SLC17A8: variants seen among roughly 807,000 people sequenced by gnomAD.
SLC17A8 encodes solute carrier family 17 member 8, also known as vesicular glutamate transporter 3.
In SLC17A8, 31 loss-of-function variants were observed where a neutral mutation model predicts 58.0. The observed-to-expected ratio is 0.53, with a 90% CI of 0.40 to 0.72. SLC17A8 has a LOEUF of 0.72. SLC17A8 is among the 30% of genes least tolerant of loss of function. The pLI is 0.00. For missense variants in SLC17A8, 655 were observed against 727.8 expected, an observed-to-expected ratio of 0.90 and a Z score of 1.15; for synonymous variants, 228 against 249.0, an observed-to-expected ratio of 0.92 and a Z score of 0.79.
At chr12:100,396,260 G>T (rs1238937018) in intron 4 of SLC17A8, 70 bp from the exon 5 acceptor site, 1 of 1,192,698 alleles carries the variant, frequency 8.4e-7, no homozygotes, top group Non-Finnish European at 1.3e-6. Flanking sequence ...TGAAGAAGCA[G>T]CATCCATATT....
At chr12:100,403,938 G>A (rs1234241333) in intron 8 of SLC17A8, 100 bp from the exon 9 acceptor site, 2 of 1,360,458 alleles carry the variant, frequency 1.5e-6, no homozygotes, top group Non-Finnish European at 2.1e-6. Context: ...ATTTGGTGGT[G>A]GTAGGTAGGG....
intron 2 of SLC17A8, among the ~76,000 whole-genome samples, chr12:100,386,702 T>TTA (rs1241148801): frequency 6.6e-6 from 1 of 151,644 alleles, no homozygotes; most frequent in Non-Finnish European, 1.5e-5. Flanking sequence ...CTTTTTTTTT[T>TTA]TTTTGAGATG....
chr12:100,412,724 C>T (rs745779974), intron 9 of SLC17A8, 46 bp from the exon 10 acceptor site: 1 of 1,238,284 alleles, frequency 8.1e-7, no homozygotes, highest in South Asian at 1.2e-5. Context: ...CTTGGGTTGA[C>T]CGATATGAAA....
chr12:100,405,610 C>T (rs943448456), intron 9 of SLC17A8, among the ~76,000 whole-genome samples: 6 of 152,028 alleles, frequency 3.9e-5, no homozygotes, highest in African/African-American at 1.4e-4. Flanking sequence ...GAAGAGATTC[C>T]GCCATAGCAC....
chr12:100,389,612 G>C (rs577659818), intron 2 of SLC17A8, among the ~76,000 whole-genome samples: 1 of 150,454 alleles, frequency 6.6e-6, no homozygotes. Flanking sequence ...TATATATATA[G>C]AGAGAGAGAC....
rs779433351 is a variant in SLC17A8, at chr12:100,357,252, G to T, written c.-140G>T. 5.6e-6 allele frequency: 4 copies of T among 715,242 alleles called. No homozygotes were observed. The highest frequency in any genetic ancestry group is 4.0e-5 in the Admixed American group (2 of 49,908). The allele number at this position is 715,242 out of a possible 1,614,324, so 44.3% of individuals were successfully genotyped here. A position where few individuals can be genotyped will look rare whatever the true frequency, so the allele number is the denominator to read the frequency against. On this transcript the variant is annotated 5_prime_UTR_variant, in exon 1 of 12. Coordinates refer to ENST00000323346, the MANE Select transcript of SLC17A8 (RefSeq NM_139319.3). Reference sequence around the variant, plus strand: ...CCGAGCTGGGTTTCATCTCCTTTTTGATTTTGAGTAGTTCCCTCCACGAGA... The same window carrying T: ...CCGAGCTGGGTTTCATCTCCTTTTTTATTTTGAGTAGTTCCCTCCACGAGA...
In SLC17A8 at chr12:100,404,889, C is replaced by T. The variant is rs578017965; in HGVS notation, c.1186+719C>T. Among the ~76,000 whole-genome samples the T allele has an allele frequency of 1.3e-4, 20 of 152,284 alleles. No individual in the cohort carries two copies. In the South Asian group the frequency reaches 1.4e-3, roughly 11 times the overall value. ...GATCCCTGCAAGGTATCAGGTAGGC[C>T]GGAGCCTACCGCCAAAGCTCTTAGT... On this transcript the variant is annotated intron_variant, in intron 9 of 11. Transcript: ENST00000323346.
chr12:100,365,060 C>G (rs1952510689), intron 1 of SLC17A8, among the ~76,000 whole-genome samples: 1 of 152,204 alleles, frequency 6.6e-6, no homozygotes, highest in Admixed American at 6.5e-5. Flanking sequence ...ACTGGCCCCT[C>G]TGACATGGGA....
intron 2 of SLC17A8, among the ~76,000 whole-genome samples, chr12:100,384,817 C>T (rs968805787): frequency 6.6e-6 from 1 of 152,176 alleles, no homozygotes; most frequent in African/African-American, 2.4e-5. Context: ...GGAGCTTTCC[C>T]TCGTGGGAAC....
At chr12:100,388,653 A>G (rs940787086) in intron 2 of SLC17A8, among the ~76,000 whole-genome samples, 2 of 152,256 alleles carry the variant, frequency 1.3e-5, no homozygotes, top group African/African-American at 4.8e-5. Flanking sequence ...TTCAGGAAGC[A>G]CAGGACGAAC....
At chr12:100,401,443 T>G (rs1952790619) in intron 5 of SLC17A8, among the ~76,000 whole-genome samples, 1 of 152,160 alleles carries the variant, frequency 6.6e-6, no homozygotes, top group Admixed American at 6.5e-5. Flanking sequence ...TCTTTTTAGC[T>G]TCCAATATTG....
In SLC17A8 at chr12:100,380,686, C is replaced by T; in HGVS notation, c.102-15C>T. The T allele has an allele frequency of 6.2e-7, 1 of 1,612,890 alleles. No individual in the cohort carries two copies. Among genetic ancestry groups the T allele is most frequent in the Non-Finnish European group, 8.5e-7 (1 of 1,179,452 alleles). ...TCCTGGCTTTTATTTTCTGCCTATC[C>T]TTTTTCCCATGTAGAAAAATCGATG... On this transcript the variant is annotated splice_polypyrimidine_tract_variant and intron_variant, in intron 1 of 11. Coordinates refer to ENST00000323346, the MANE Select transcript of SLC17A8 (RefSeq NM_139319.3).
intron 3 of SLC17A8, among the ~76,000 whole-genome samples, chr12:100,392,539 G>A (rs922563479): frequency 2.0e-5 from 3 of 152,036 alleles, no homozygotes; most frequent in Non-Finnish European, 4.4e-5. Flanking sequence ...TTTATTTATT[G>A]TTAGTTATCT....
chr12:100,410,488 C>T (rs2136012840), intron 9 of SLC17A8: 1 of 129,370 alleles, frequency 7.7e-6, no homozygotes, highest in African/African-American at 2.6e-5. Flanking sequence ...GAGCAGGACT[C>T]CATCTCAAAA....
At chr12:100,409,374 A>G (rs529148570) in intron 9 of SLC17A8, among the ~76,000 whole-genome samples, 16 of 151,998 alleles carry the variant, frequency 1.1e-4, no homozygotes, top group African/African-American at 3.9e-4. Context: ...TTAGTAGAGA[A>G]GGGGTTTTGC....
chr12:100,381,912 G>A (rs1037343974), intron 2 of SLC17A8, among the ~76,000 whole-genome samples: 2 of 152,166 alleles, frequency 1.3e-5, no homozygotes, highest in Non-Finnish European at 2.9e-5. Context: ...GGCCATGACT[G>A]TAATACGATT....
intron 4 of SLC17A8, among the ~76,000 whole-genome samples, chr12:100,394,594 G>A (rs1404919745): frequency 6.7e-6 from 1 of 149,846 alleles, no homozygotes; most frequent in Non-Finnish European, 1.5e-5. Context: ...GTAGAGATGG[G>A]GTTTTACCAT....
chr12:100,357,240 CATCT>C lies in SLC17A8; in HGVS notation c.-151_-148del. 1 of 692,648 alleles carries C rather than the reference CATCT, an allele frequency of 1.4e-6. No homozygotes were observed. The highest frequency in any genetic ancestry group is 2.6e-6 in the Non-Finnish European group (1 of 378,108). The allele number at this position is 692,648 out of a possible 1,614,324, so 42.9% of individuals were successfully genotyped here. On this transcript the variant is annotated 5_prime_UTR_variant, in exon 1 of 12. Coordinates refer to ENST00000323346, the MANE Select transcript of SLC17A8 (RefSeq NM_139319.3). ...ATCTTGGAAGATCCGAGCTGGGTTT[CATCT>C]CCTTTTTGATTTTGAGTAGTTCCCT...
intron 11 of SLC17A8, among the ~76,000 whole-genome samples, chr12:100,418,617 G>A (rs1200860208): frequency 1.3e-5 from 2 of 152,200 alleles, no homozygotes; most frequent in Non-Finnish European, 2.9e-5. Context: ...AACCTACCCA[G>A]TTGTTACTGA....
Sources: allele counts gnomAD v4.1 joint callset (sites outside exome capture counted in the v4.1 genomes callset), GRCh38; gene constraint gnomAD v4.1.1; transcripts MANE v1.5; gene names NCBI Gene and HGNC (gene_info 2026-07-23, HGNC 2026-07-21).